The following ERGIC1 variants were observed in gnomAD, a reference collection of about 807,000 sequenced individuals.
The protein encoded by ERGIC1 is endoplasmic reticulum-Golgi intermediate compartment protein 1.
In ERGIC1, 19 loss-of-function variants were observed where a neutral mutation model predicts 38.3. The ratio of observed to expected loss-of-function variants is 0.50; its 90% CI spans 0.35 to 0.73. The LOEUF (loss-of-function observed/expected upper bound fraction) is 0.73. Among genes scored for constraint, ERGIC1 ranks in the 30% least tolerant of loss-of-function variants. The probability of loss-of-function intolerance (pLI) is 0.01; values close to 1 mark genes in which losing one functional copy is unlikely to be tolerated. For synonymous variants in ERGIC1, 124 were observed against 157.6 expected, an observed-to-expected ratio of 0.79 and a Z score of 1.60; for missense variants, 294 against 389.2, an observed-to-expected ratio of 0.76 and a Z score of 2.06.
At chr5:172,919,853 G>A (rs1231465320) in intron 5 of ERGIC1, among the ~76,000 whole-genome samples, 1 of 152,190 alleles carries the variant, frequency 6.6e-6, no homozygotes, top group African/African-American at 2.4e-5. Flanking sequence ...GGGAGTGCCA[G>A]GGAGTCTTTG....
rs1021675608 is a variant in ERGIC1 at position 172,834,818 on chromosome 5, C to G, written c.20+385C>G. Among the ~76,000 whole-genome samples, 1 of 152,222 alleles carries G rather than the reference C, an allele frequency of 6.6e-6. No individual in the cohort carries two copies. Among genetic ancestry groups the G allele is most frequent in the African/African-American group, 2.4e-5 (1 of 41,462 alleles). Reference sequence around the variant, plus strand: ...GCCTCCTTGGTGGACCCCACCTCAGCTGACAGGTGGGGCAGGGCACCTGGA... The same window carrying G: ...GCCTCCTTGGTGGACCCCACCTCAGGTGACAGGTGGGGCAGGGCACCTGGA... On this transcript the variant is annotated intron_variant, in intron 1 of 9. Transcript: ENST00000393784. The surrounding 1 kb of genome is among the most constrained non-coding windows in gnomAD (Gnocchi z 4.1).
rs547531238 is a variant in ERGIC1, at chr5:172,882,783, G to C, written c.21-5916G>C. Among the ~76,000 whole-genome samples, 6 of 152,120 alleles carry C rather than the reference G, an allele frequency of 3.9e-5. No homozygotes were observed. In the East Asian group the frequency reaches 1.2e-3, roughly 29 times the overall value. ...TCGCCCAGCCTGCCTCCCTACCCCT[G>C]TCCCCATGCCCAGCAAAGACTTACT... On this transcript the variant is annotated intron_variant, in intron 1 of 9. Transcript: ENST00000393784.
At chr5:172,853,064 T>G (rs1201019928) in intron 1 of ERGIC1, among the ~76,000 whole-genome samples, 1 of 151,890 alleles carries the variant, frequency 6.6e-6, no homozygotes, top group Non-Finnish European at 1.5e-5. Flanking sequence ...GAAGCGCCTG[T>G]GTGTATGTGT....
At chr5:172,883,635 C>T (rs1762338126) in intron 1 of ERGIC1, among the ~76,000 whole-genome samples, 1 of 152,206 alleles carries the variant, frequency 6.6e-6, no homozygotes, top group South Asian at 2.1e-4. Flanking sequence ...TCAGGAGGCA[C>T]AGGGTGCCGA....
chr5:172,884,309 A>C (rs1190881085), intron 1 of ERGIC1, among the ~76,000 whole-genome samples: 2 of 143,246 alleles, frequency 1.4e-5, no homozygotes, highest in African/African-American at 5.3e-5. Flanking sequence ...GCTGGAGTGC[A>C]AGGCTCACCA....
intron 1 of ERGIC1, among the ~76,000 whole-genome samples, chr5:172,870,462 GCTGT>G (rs1761975282): frequency 6.6e-6 from 1 of 152,130 alleles, no homozygotes; most frequent in Non-Finnish European, 1.5e-5. Flanking sequence ...GTAAGGCCTG[GCTGT>G]CTCTCATTTG....
intron 1 of ERGIC1, among the ~76,000 whole-genome samples, chr5:172,877,590 C>A (rs1272200931): frequency 7.2e-6 from 1 of 138,612 alleles, no homozygotes; most frequent in Non-Finnish European, 1.6e-5. Flanking sequence ...GGGACACACA[C>A]ATAAAATGTA....
intron 9 of ERGIC1, chr5:172,937,705 A>G (rs1308476204): frequency 2.0e-5 from 3 of 151,654 alleles, no homozygotes; most frequent in Admixed American, 2.0e-4. Flanking sequence ...GTTGAATCCT[A>G]TTGGACTGAC....
intron 9 of ERGIC1, among the ~76,000 whole-genome samples, chr5:172,947,496 C>G (rs370216481): frequency 3.9e-5 from 6 of 152,146 alleles, no homozygotes; most frequent in Admixed American, 6.5e-5. Flanking sequence ...TTGAGGAAAC[C>G]CCCCTGGAAT....
chr5:172,946,692 A>G (rs994872741), intron 9 of ERGIC1, among the ~76,000 whole-genome samples: 4 of 152,106 alleles, frequency 2.6e-5, no homozygotes, highest in Non-Finnish European at 4.4e-5. Context: ...GAATCTTTCC[A>G]TATGTCAGAA....
intron 1 of ERGIC1, among the ~76,000 whole-genome samples, chr5:172,885,596 C>T: frequency 6.6e-6 from 1 of 152,162 alleles, no homozygotes; most frequent in East Asian, 1.9e-4. Context: ...TGTGCACCCC[C>T]TCATTTCATA....
intron 3 of ERGIC1, among the ~76,000 whole-genome samples, chr5:172,909,254 C>G (rs185671227): frequency 1.9e-4 from 28 of 148,346 alleles, no homozygotes; most frequent in Non-Finnish European, 8.9e-5. Context: ...ACTGCAACCT[C>G]AGCCTCCTGG....
rs188664718 is a variant in ERGIC1 at position 172,846,593 on chromosome 5, C to T, written c.20+12160C>T. Among the ~76,000 whole-genome samples the T allele has an allele frequency of 1.3e-3, 204 of 152,264 alleles. No individual in the cohort carries two copies. Among genetic ancestry groups the T allele is most frequent in the African/African-American group, 4.6e-3 (189 of 41,536 alleles). ...CCACTCCACAGTCTTTGGATTATGC[C>T]CTGTGCCCTTTGTAAGAAGAGCCAA... On this transcript the variant is annotated intron_variant, in intron 1 of 9. Transcript: ENST00000393784. The surrounding 1 kb of genome is among the most constrained non-coding windows in gnomAD (Gnocchi z 4.0).
chr5:172,862,307 CAAAAAAAAAA>C (rs58968820), intron 1 of ERGIC1, among the ~76,000 whole-genome samples: 1 of 49,478 alleles, frequency 2.0e-5, no homozygotes, highest in Non-Finnish European at 3.1e-5. Context: ...GACTACATCT[CAAAAAAAAAA>C]AAAAAAAAAA....
intron 3 of ERGIC1, among the ~76,000 whole-genome samples, chr5:172,901,752 C>T (rs775660303): frequency 6.6e-6 from 1 of 152,162 alleles, no homozygotes; most frequent in African/African-American, 2.4e-5. Flanking sequence ...CATGAGCCAC[C>T]ATGCCTGGCT....
Position 172,893,935 on chromosome 5 carries a change from G to GTGTGTGTGTATA in ERGIC1, c.83-3066_83-3065insGTGTGTGTATAT, listed in dbSNP as rs1429850022. On this transcript the variant is annotated intron_variant, in intron 2 of 9. Transcript: ENST00000393784. ...TGTGTGTGTGTGTGTGTGTGTGTGTGTATATATATATATATATATTTAAAT... is the reference window on the plus strand; with the variant it reads ...TGTGTGTGTGTGTGTGTGTGTGTGTGTGTGTGTGTATATATATATATATATATATATTTAAAT... Among the ~76,000 whole-genome samples the GTGTGTGTGTATA allele has an allele frequency of 7.2e-4, 31 of 42,818 alleles. 2 individuals are homozygous for GTGTGTGTGTATA. The highest frequency in any genetic ancestry group is 1.1e-3 in the Non-Finnish European group (25 of 21,762). 28.1% of individuals were successfully genotyped at this position (42,818 alleles called of 152,430 possible).
rs368325900 is a variant in ERGIC1 at position 172,914,766 on chromosome 5, C to T, written c.303C>T (p.Ile101=). Residue 101 remains isoleucine (I), a synonymous_variant, in exon 5 of 10, where the codon ATC becomes ATT. Coordinates refer to ENST00000393784, the MANE Select transcript of ERGIC1 (RefSeq NM_001031711.3). ...DEMGRHEVGH[I]DNSMKIPLNN... ...TGGGCAGGCACGAAGTGGGCCACAT[C>T]GACAACTCCATGAAGATCCCGCTGA... is the stretch of plus-strand genomic sequence containing the variant. 1.9e-5 allele frequency: 30 copies of T among 1,614,038 alleles called. No homozygotes were observed. Among genetic ancestry groups the T allele is most frequent in the Admixed American group, 8.3e-5 (5 of 59,998 alleles).
chr5:172,952,115 AT>A lies in ERGIC1; in HGVS notation c.*1300del, dbSNP rs1764243749. On this transcript the variant is annotated 3_prime_UTR_variant, in exon 10 of 10. Transcript: ENST00000393784. ...TAATTCCACCCAGGGAATTTTAGCT[AT>A]GCCCTCATGTCCCAGGGAGAGAGCC... 6.6e-6 allele frequency: 1 copy of A among 152,224 alleles called. No homozygotes were observed. The highest frequency in any genetic ancestry group is 2.4e-5 in the African/African-American group (1 of 41,448). The allele number at this position is 152,224 out of a possible 1,614,324, so 9.4% of individuals were successfully genotyped here.
Position 172,949,655 on chromosome 5 carries a change from CG to C in ERGIC1, c.766-1045del, listed in dbSNP as rs56358883. ...AGACATTGTGGTTGTCACAGCGTGG[CG>C]GGGGGGGGTATGATTGGCATCTCCT... On this transcript the variant is annotated intron_variant, in intron 9 of 9. Transcript: ENST00000393784. Among the ~76,000 whole-genome samples, 48 of 142,554 alleles carry C rather than the reference CG, an allele frequency of 3.4e-4. 1 individual carries two copies. Among genetic ancestry groups the C allele is most frequent in the Middle Eastern group, 3.6e-3 (1 of 276 alleles). The allele number at this position is 142,554 out of a possible 152,430, so 93.5% of individuals were successfully genotyped here. A position where few individuals can be genotyped will look rare whatever the true frequency, so the allele number is the denominator to read the frequency against.
Sources: gnomAD v4.1 joint callset for allele counts (sites outside exome capture counted in the v4.1 genomes callset) on GRCh38, gnomAD v4.1.1 for gene constraint, Gnocchi (gnomAD v3.1) non-coding constraint, MANE v1.5 for transcripts, NCBI Gene and HGNC (gene_info 2026-07-23, HGNC 2026-07-21) for gene names.